Variants in LHFPL4 observed in about 807,000 individuals in gnomAD.
The protein encoded by LHFPL4 is LHFPL tetraspan subfamily member 4.
Under a neutral mutation model 20.0 loss-of-function variants are expected in LHFPL4, and 6 were observed. The ratio of observed to expected loss-of-function variants is 0.30; its 90% CI spans 0.16 to 0.59. The LOEUF (loss-of-function observed/expected upper bound fraction) is 0.59, where lower values mean the gene tolerates loss of function less well. Among genes scored for constraint, LHFPL4 ranks in the 20% least tolerant of loss-of-function variants. The pLI is 0.88. For synonymous variants in LHFPL4, 129 were observed against 143.8 expected (o/e 0.90, Z 0.74); for missense variants, 215 against 331.2 (o/e 0.65, Z 2.72).
intron 2 of LHFPL4, among the ~76,000 whole-genome samples, chr3:9,541,767 G>T (rs762335349): frequency 6.6e-6 from 1 of 151,304 alleles, no homozygotes; most frequent in Non-Finnish European, 1.5e-5. Flanking sequence ...GCAAAATTTC[G>T]CCTCAAAGAA....
intron 2 of LHFPL4, among the ~76,000 whole-genome samples, chr3:9,514,803 G>A (rs1364849645): frequency 6.6e-6 from 1 of 152,074 alleles, no homozygotes; most frequent in African/African-American, 2.4e-5. Flanking sequence ...TGCATTTAAG[G>A]TTCCTCCATA....
chr3:9,515,285 T>C (rs973721487), intron 2 of LHFPL4, among the ~76,000 whole-genome samples: 18 of 152,250 alleles, frequency 1.2e-4, no homozygotes, highest in African/African-American at 4.3e-4. Flanking sequence ...TAACATGCCA[T>C]CTGTATATCT....
chr3:9,537,688 A>G (rs576777797), intron 2 of LHFPL4, among the ~76,000 whole-genome samples: 8 of 151,924 alleles, frequency 5.3e-5, no homozygotes, highest in African/African-American at 1.9e-4. Flanking sequence ...CAGCCCCTCA[A>G]TTGCTAATTT....
At chr3:9,523,040 C>CAAAAAAAA in intron 2 of LHFPL4, among the ~76,000 whole-genome samples, 1 of 77,332 alleles carries the variant, frequency 1.3e-5, no homozygotes, top group Non-Finnish European at 2.5e-5. Flanking sequence ...GACTCCGTCT[C>CAAAAAAAA]AAAAAAAAAA....
In LHFPL4 at chr3:9,506,405, A is replaced by G. The variant is rs1032532266; in HGVS notation, c.407-202T>C. Among the ~76,000 whole-genome samples the G allele has an allele frequency of 6.6e-6, 1 of 152,150 alleles. No homozygotes were observed. Among genetic ancestry groups the G allele is most frequent in the Non-Finnish European group, 1.5e-5 (1 of 68,018 alleles). Reference sequence around the variant, plus strand: ...GAGAAAGAGGTCTACGATGGGTAGCAGAAACTTTCTGGAACCCGCAATGCC... The same window carrying G: ...GAGAAAGAGGTCTACGATGGGTAGCGGAAACTTTCTGGAACCCGCAATGCC... On this transcript the variant is annotated intron_variant, in intron 2 of 3. Coordinates refer to ENST00000287585, the MANE Select transcript of LHFPL4 (RefSeq NM_198560.3). The surrounding 1 kb of genome is among the most constrained non-coding windows in gnomAD (Gnocchi z 4.5).
intron 2 of LHFPL4, among the ~76,000 whole-genome samples, chr3:9,525,973 G>A (rs2648412): frequency 0.53 from 81,212 of 151,986 alleles, 22,164 homozygotes; most frequent in African/African-American, 0.65. Flanking sequence ...AAGACCATAC[G>A]TAGGCATGAT....
rs1019060724 is a variant in LHFPL4 at position 9,502,100 on chromosome 3, GAAGT to G, written c.*107_*110del. ...CTGGAGCTTGCAGGGTAGTCGGTGA[GAAGT>G]AAGTCTGAGATCAGGGTCTTCCCTC... On this transcript the variant is annotated 3_prime_UTR_variant, in exon 4 of 4. Transcript: ENST00000287585. The G allele has an allele frequency of 3.8e-6, 3 of 783,126 alleles. No homozygotes were observed. The highest frequency in any genetic ancestry group is 5.3e-5 in the East Asian group (2 of 37,866). The allele number at this position is 783,126 out of a possible 1,614,324, so 48.5% of individuals were successfully genotyped here. A position where few individuals can be genotyped will look rare whatever the true frequency, so the allele number is the denominator to read the frequency against.
At position 9,552,361 on chromosome 3, in the gene LHFPL4, G is replaced by T. The variant is rs771157459; in HGVS notation, c.319C>A (p.Leu107Ile). The T allele has an allele frequency of 1.2e-6, 2 of 1,613,962 alleles. No individual in the cohort carries two copies. The highest frequency in any genetic ancestry group is 1.7e-5 in the Admixed American group (1 of 60,010). Residue 107 changes from leucine (L) to isoleucine (I), a missense_variant, in exon 2 of 4, where the codon CTC becomes ATC. Leu to Ile is a conservative substitution (Grantham distance 5). Coordinates refer to ENST00000287585, the MANE Select transcript of LHFPL4 (RefSeq NM_198560.3). ...FFVLLSMVLI[L>I]GCITCFSLFF... ...AGCGAAAAGCAGGTGATGCAGCCGA[G>T]GATCAGCACCATGGAGAGCAGCACG...
At chr3:9,520,102 G>A (rs1345611233) in intron 2 of LHFPL4, among the ~76,000 whole-genome samples, 1 of 151,876 alleles carries the variant, frequency 6.6e-6, no homozygotes, top group Non-Finnish European at 1.5e-5. Flanking sequence ...ATTTCCCTCT[G>A]AACACTGCTA....
intron 3 of LHFPL4, among the ~76,000 whole-genome samples, chr3:9,503,203 C>T (rs957488510): frequency 3.3e-5 from 5 of 152,066 alleles, no homozygotes; most frequent in Non-Finnish European, 5.9e-5. Flanking sequence ...GGGACGGAGA[C>T]TCCCTGGACA....
At chr3:9,502,944 G>A (rs954094363) in intron 3 of LHFPL4, among the ~76,000 whole-genome samples, 7 of 152,122 alleles carry the variant, frequency 4.6e-5, no homozygotes, top group African/African-American at 1.7e-4. Context: ...GCTGGAAATG[G>A]AAGCAATTTA....
intron 2 of LHFPL4, among the ~76,000 whole-genome samples, chr3:9,520,796 T>A (rs1437514019): frequency 6.6e-6 from 1 of 152,200 alleles, no homozygotes; most frequent in African/African-American, 2.4e-5. Context: ...AATTTCTGGT[T>A]CTTACATTTG....
At chr3:9,539,318 G>A (rs1302500045) in intron 2 of LHFPL4, among the ~76,000 whole-genome samples, 2 of 152,032 alleles carry the variant, frequency 1.3e-5, no homozygotes, top group Admixed American at 6.6e-5. Flanking sequence ...AGCTGGGCAC[G>A]GTGGTGGGCG....
intron 2 of LHFPL4, among the ~76,000 whole-genome samples, chr3:9,517,075 C>T (rs1181361352): frequency 2.6e-5 from 4 of 152,168 alleles, no homozygotes; most frequent in Non-Finnish European, 1.5e-5. Flanking sequence ...GGCACCATGC[C>T]CAGCTCACAC....
At chr3:9,512,235 G>A (rs188129093) in intron 2 of LHFPL4, among the ~76,000 whole-genome samples, 13 of 152,096 alleles carry the variant, frequency 8.5e-5, no homozygotes, top group Admixed American at 7.2e-4. Flanking sequence ...CGGCCTACAT[G>A]GCAATTTTAG....
intron 2 of LHFPL4, among the ~76,000 whole-genome samples, chr3:9,540,532 G>A (rs1320068211): frequency 6.6e-6 from 1 of 152,142 alleles, no homozygotes; most frequent in Non-Finnish European, 1.5e-5. Flanking sequence ...GAACAACCTT[G>A]AAAATGAAGA....
Position 9,529,839 on chromosome 3 carries a change from G to A in LHFPL4, c.406+22435C>T, listed in dbSNP as rs145149934. Among the ~76,000 whole-genome samples the A allele has an allele frequency of 1.7e-3, 261 of 151,616 alleles. 1 individual carries two copies. Among genetic ancestry groups the A allele is most frequent in the Admixed American group, 4.1e-3 (63 of 15,226 alleles). On this transcript the variant is annotated intron_variant, in intron 2 of 3. Transcript: ENST00000287585. The stretch of plus-strand genomic sequence containing the variant: ...GTAGAGATGGGGTTTCACCATCTTG[G>A]CCATGCTGGTCTTGAACTCCTGACC...
intron 2 of LHFPL4, among the ~76,000 whole-genome samples, chr3:9,511,396 T>A (rs1204155408): frequency 6.6e-6 from 1 of 151,934 alleles, no homozygotes; most frequent in African/African-American, 2.4e-5. Context: ...ACCACCCTCA[T>A]TATACGAATG....
intron 2 of LHFPL4, among the ~76,000 whole-genome samples, chr3:9,528,952 G>C (rs7645363): frequency 0.54 from 79,346 of 147,716 alleles, 21,736 homozygotes; most frequent in African/African-American, 0.66. Context: ...GAATCTCACT[G>C]TGTGGCCCAG....
Sources: gnomAD v4.1 joint callset for allele counts (sites outside exome capture counted in the v4.1 genomes callset) on GRCh38, gnomAD v4.1.1 for gene constraint, Gnocchi (gnomAD v3.1) non-coding constraint, MANE v1.5 for transcripts, NCBI Gene and HGNC (gene_info 2026-07-23, HGNC 2026-07-21) for gene names.